Variants in MAN2A1 observed in about 807,000 individuals in gnomAD.
The protein encoded by MAN2A1 is alpha-mannosidase 2.
In MAN2A1, 76 loss-of-function variants were observed where a neutral mutation model predicts 142.6. That is an observed-to-expected ratio of 0.53 (90% CI 0.44 to 0.65). The LOEUF is 0.65. MAN2A1 is among the 30% of genes least tolerant of loss of function. MAN2A1 has a pLI of 0.00. For synonymous variants in MAN2A1, 559 were observed against 473.2 expected (o/e 1.18, Z -2.35); for missense variants, 1,311 against 1,365.1 (o/e 0.96, Z 0.62).
intron 20 of MAN2A1, among the ~76,000 whole-genome samples, chr5:109,856,569 T>G (rs879217842): frequency 6.6e-6 from 1 of 152,194 alleles, no homozygotes; most frequent in Admixed American, 6.5e-5. Context: ...GAAGACCTCT[T>G]GTATTTGTAA....
intron 3 of MAN2A1, among the ~76,000 whole-genome samples, chr5:109,728,165 A>G (rs1364953372): frequency 6.6e-6 from 1 of 152,244 alleles, no homozygotes; most frequent in Non-Finnish European, 1.5e-5. Context: ...AGGAATAAAT[A>G]AGTCATAGCT....
intron 10 of MAN2A1, among the ~76,000 whole-genome samples, chr5:109,786,524 C>G (rs1156459507): frequency 6.6e-6 from 1 of 151,916 alleles, no homozygotes; most frequent in African/African-American, 2.4e-5. Flanking sequence ...TAAAAACTTC[C>G]CCGTGTAGAA....
chr5:109,739,168 AT>A (rs879820746), intron 4 of MAN2A1, among the ~76,000 whole-genome samples: 3 of 151,226 alleles, frequency 2.0e-5, no homozygotes, highest in African/African-American at 4.9e-5. Context: ...TTTAACTGTA[AT>A]TTTTTTTTCT....
At chr5:109,692,015 T>C (rs1212836917) in intron 1 of MAN2A1, among the ~76,000 whole-genome samples, 2 of 152,134 alleles carry the variant, frequency 1.3e-5, no homozygotes, top group Non-Finnish European at 2.9e-5. Context: ...TACAGGAAAA[T>C]CATAAAAAGT....
At chr5:109,729,651 T>A (rs538986449) in intron 4 of MAN2A1, 138 bp downstream of exon 4, 2 of 495,744 alleles carry the variant, frequency 4.0e-6, no homozygotes, top group South Asian at 8.5e-5. Context: ...ACCGTTTTCG[T>A]TGATTTTGGT....
chr5:109,717,439 A>T (rs776731012), intron 3 of MAN2A1, among the ~76,000 whole-genome samples: 7 of 152,226 alleles, frequency 4.6e-5, no homozygotes, highest in Non-Finnish European at 8.8e-5. Context: ...TTTAGTGTGC[A>T]CTGACATGTA....
intron 12 of MAN2A1, among the ~76,000 whole-genome samples, chr5:109,796,045 C>T (rs1452249994): frequency 6.6e-6 from 1 of 152,042 alleles, no homozygotes. Context: ...TTATTTTTTT[C>T]TCATAAACCA....
At chr5:109,777,113 A>G (rs145174856) in intron 8 of MAN2A1, among the ~76,000 whole-genome samples, 1 of 152,156 alleles carries the variant, frequency 6.6e-6, no homozygotes, top group African/African-American at 2.4e-5. Flanking sequence ...ATAAAATGGG[A>G]TGTAATTTTT....
chr5:109,690,630 T>A (rs1045490565), intron 1 of MAN2A1, 78 bp downstream of exon 1: 3 of 1,468,828 alleles, frequency 2.0e-6, no homozygotes, highest in Non-Finnish European at 2.8e-6. Context: ...CTACCCAACC[T>A]CTTCCTCCCG....
intron 20 of MAN2A1, 105 bp downstream of exon 20, chr5:109,855,439 A>C (rs1229176490): frequency 5.9e-6 from 4 of 679,310 alleles, no homozygotes; most frequent in Non-Finnish European, 8.9e-6. Flanking sequence ...CTATGCTTTG[A>C]GGAATTATTA....
intron 5 of MAN2A1, among the ~76,000 whole-genome samples, chr5:109,759,630 G>A (rs75148706): frequency 0.072 from 10,881 of 152,114 alleles, 432 homozygotes; most frequent in African/African-American, 0.11. Context: ...CACTAGAATT[G>A]CTGGGCTATA....
chr5:109,755,304 T>A, intron 4 of MAN2A1, 25 bp from the exon 5 acceptor site: 1 of 1,579,372 alleles, frequency 6.3e-7, no homozygotes, highest in East Asian at 2.2e-5. Flanking sequence ...TTTATTAATG[T>A]AGACTCTTGT....
At chr5:109,842,806 G>GTTTTTTGTTTTTTTTTTTTT (rs1554082994) in intron 17 of MAN2A1, among the ~76,000 whole-genome samples, 3 of 116,214 alleles carry the variant, frequency 2.6e-5, no homozygotes, top group African/African-American at 9.8e-5. Flanking sequence ...TACTTATTGG[G>GTTTTTTGTTTTTTTTTTTTT]TTTTTTTTTT....
chr5:109,793,374 A>G (rs1753783385), intron 12 of MAN2A1, among the ~76,000 whole-genome samples: 1 of 152,184 alleles, frequency 6.6e-6, no homozygotes, highest in Non-Finnish European at 1.5e-5. Flanking sequence ...TATTTCTAGC[A>G]TCATGCCTGT....
At chr5:109,858,375 T>C (rs1755676081) in intron 20 of MAN2A1, among the ~76,000 whole-genome samples, 1 of 152,154 alleles carries the variant, frequency 6.6e-6, no homozygotes, top group Admixed American at 6.6e-5. Flanking sequence ...AAGGGAACTG[T>C]TGTGGGTATT....
At chr5:109,862,022 T>C (rs1413019213) in intron 20 of MAN2A1, among the ~76,000 whole-genome samples, 1 of 152,144 alleles carries the variant, frequency 6.6e-6, no homozygotes. Flanking sequence ...TGTTGTGCGA[T>C]AAAATGAGTT....
rs902705031 is a variant in MAN2A1 at position 109,737,071 on chromosome 5, A to G, written c.707+7558A>G. Among the ~76,000 whole-genome samples the G allele has an allele frequency of 2.7e-5, 4 of 149,950 alleles. No homozygotes were observed. The East Asian group carries it at 5.8e-4, about 22-fold the overall frequency. On this transcript the variant is annotated intron_variant, in intron 4 of 21. Transcript: ENST00000261483. ...AAACTAGCTTTAATGTCTTATGGCC[A>G]TAGAATATGGACTGTATACTCTTTT...
chr5:109,816,848 C>T (rs960360419), intron 12 of MAN2A1, among the ~76,000 whole-genome samples: 2 of 152,124 alleles, frequency 1.3e-5, no homozygotes, highest in Admixed American at 6.6e-5. Context: ...TTAGAAAGGG[C>T]TTCTGAATCA....
At chr5:109,793,849 A>G (rs554449867) in intron 12 of MAN2A1, among the ~76,000 whole-genome samples, 5 of 152,300 alleles carry the variant, frequency 3.3e-5, no homozygotes, top group South Asian at 4.1e-4. Context: ...TTTTATATGT[A>G]AGACTTATTG....
Sources: gnomAD v4.1 joint callset for allele counts (sites outside exome capture counted in the v4.1 genomes callset) on GRCh38, gnomAD v4.1.1 for gene constraint, MANE v1.5 for transcripts, NCBI Gene and HGNC (gene_info 2026-07-23, HGNC 2026-07-21) for gene names.